The following CYFIP1 variants were observed in gnomAD, a reference collection of about 807,000 sequenced individuals.
The protein encoded by CYFIP1 is cytoplasmic FMR1-interacting protein 1.
In CYFIP1, 58 loss-of-function variants were observed where a neutral mutation model predicts 163.5. The observed-to-expected ratio is 0.35, with a 90% CI of 0.29 to 0.44. The LOEUF is 0.44. CYFIP1 is among the 20% of genes least tolerant of loss of function. CYFIP1 has a pLI of 1.00. For missense variants in CYFIP1, 1,338 were observed against 1,653.8 expected, an observed-to-expected ratio of 0.81 and a Z score of 3.31; for synonymous variants, 663 against 660.7, an observed-to-expected ratio of 1.00 and a Z score of -0.05.
intron 12 of CYFIP1, 63 bp from the exon 13 acceptor site, chr15:22,926,170 G>A: frequency 6.2e-7 from 1 of 1,603,300 alleles, no homozygotes; most frequent in Non-Finnish European, 8.5e-7. Flanking sequence ...CTTCTGGTCT[G>A]ACTCACACGA....
At chr15:22,890,669 C>A (rs1433635440) in intron 23 of CYFIP1, among the ~76,000 whole-genome samples, 1 of 151,446 alleles carries the variant, frequency 6.6e-6, no homozygotes, top group African/African-American at 2.4e-5. Flanking sequence ...GGAGGCCGCA[C>A]CTGCCAACAG....
chr15:22,902,189 C>T lies in CYFIP1; in HGVS notation c.2588+1517G>A, dbSNP rs908536257. Among the ~76,000 whole-genome samples the T allele has an allele frequency of 3.9e-5, 6 of 152,356 alleles. No homozygotes were observed. The East Asian group carries it at 1.2e-3, about 29-fold the overall frequency. On this transcript the variant is annotated intron_variant, in intron 22 of 30. Coordinates refer to ENST00000617928, the MANE Select transcript of CYFIP1 (RefSeq NM_014608.6). ...CCCCATGGGTCCAGGGGCCTCCTGCCGCCCACAGTGGGGACGAGTGCAGCT... is the reference window on the plus strand; with the variant it reads ...CCCCATGGGTCCAGGGGCCTCCTGCTGCCCACAGTGGGGACGAGTGCAGCT...
At chr15:22,909,371 A>ATGTC in intron 20 of CYFIP1, 58 bp from the exon 21 acceptor site, 1 of 1,600,042 alleles carries the variant, frequency 6.2e-7, no homozygotes, top group South Asian at 1.1e-5. Flanking sequence ...CTCGAAAACA[A>ATGTC]CAAACGCCTC....
At chr15:22,904,272 T>C in intron 21 of CYFIP1, 1 of 310,642 alleles carries the variant, frequency 3.2e-6, no homozygotes, top group Non-Finnish European at 6.2e-6. Context: ...TCCCTGGGCG[T>C]TGGAGCTGAG....
chr15:22,914,992 C>A, intron 16 of CYFIP1, 110 bp from the exon 17 acceptor site: 1 of 1,178,856 alleles, frequency 8.5e-7, no homozygotes, highest in Non-Finnish European at 1.2e-6. Flanking sequence ...CGCTCAGCCC[C>A]AAGCCATGCA....
rs186410991 is a variant in CYFIP1, at chr15:22,906,054, C to T, written c.2389-2149G>A. Among the ~76,000 whole-genome samples the T allele has an allele frequency of 1.2e-3, 179 of 152,148 alleles. 2 individuals are homozygous for T. The highest frequency in any genetic ancestry group is 3.9e-3 in the African/African-American group (164 of 41,520). On this transcript the variant is annotated intron_variant, in intron 21 of 30. Coordinates refer to ENST00000617928, the MANE Select transcript of CYFIP1 (RefSeq NM_014608.6). Reference sequence around the variant, plus strand: ...GATTACAGGCATGAGCCACTGTGCCCGGCCTTTTCTCTTTTCAAAACTTTC... The same window carrying T: ...GATTACAGGCATGAGCCACTGTGCCTGGCCTTTTCTCTTTTCAAAACTTTC...
chr15:22,973,386 G>A (rs551739018), intron 1 of CYFIP1, among the ~76,000 whole-genome samples: 3 of 149,402 alleles, frequency 2.0e-5, no homozygotes, highest in Non-Finnish European at 3.0e-5. Flanking sequence ...TTTTCTACCC[G>A]TTCTTCACTG....
Position 22,873,541 on chromosome 15 carries a change from G to A in CYFIP1, c.3399C>T (p.Ala1133=). Residue 1133 remains alanine (A), a synonymous_variant, in exon 29 of 31, where the codon GCC becomes GCT. Coordinates refer to ENST00000617928, the MANE Select transcript of CYFIP1 (RefSeq NM_014608.6). ...ECVEFHRLWS[A]MQFVYCIPVG... ...CGGGAATGCAGTAGACAAACTGCAT[G>A]GCACTCCACAGTCTGTGAAACTCCA... 1 of 1,614,184 alleles carries A rather than the reference G, an allele frequency of 6.2e-7. No individual in the cohort carries two copies. Among genetic ancestry groups the A allele is most frequent in the Non-Finnish European group, 8.5e-7 (1 of 1,180,028 alleles).
At chr15:22,928,256 ACCTGT>A (rs2061420784) in intron 11 of CYFIP1, among the ~76,000 whole-genome samples, 1 of 152,072 alleles carries the variant, frequency 6.6e-6, no homozygotes, top group Non-Finnish European at 1.5e-5. Context: ...GGTGGCGGGC[ACCTGT>A]AGTCCCAGCT....
intron 3 of CYFIP1, among the ~76,000 whole-genome samples, chr15:22,946,100 C>G (rs1008322688): frequency 2.0e-5 from 3 of 151,568 alleles, no homozygotes; most frequent in Non-Finnish European, 4.4e-5. Context: ...TCCAGGAATT[C>G]AAGACCAACC....
chr15:22,955,413 C>T (rs1049828087), intron 1 of CYFIP1, among the ~76,000 whole-genome samples: 2 of 152,362 alleles, frequency 1.3e-5, no homozygotes, highest in Admixed American at 6.5e-5. Context: ...GGCCACTTTC[C>T]AAGTGCGAGT....
At chr15:22,960,768 G>A (rs969178637) in intron 1 of CYFIP1, among the ~76,000 whole-genome samples, 2 of 152,156 alleles carry the variant, frequency 1.3e-5, no homozygotes, top group African/African-American at 4.8e-5. Context: ...TACCACATCT[G>A]GGCGGAAAAG....
At position 22,912,331 on chromosome 15, in the gene CYFIP1, G is replaced by A. The variant is rs558636616; in HGVS notation, c.1986-56C>T. On this transcript the variant is annotated intron_variant, in intron 17 of 30. Coordinates refer to ENST00000617928, the MANE Select transcript of CYFIP1 (RefSeq NM_014608.6). The stretch of plus-strand genomic sequence containing the variant: ...GCCTCTGCCACTCACTCGCAGCTCC[G>A]ACAGCCTCGCCCCACCTCAGAAACT... 1.1e-4 allele frequency: 150 copies of A among 1,362,784 alleles called. 1 individual carries two copies. The East Asian group carries it at 2.2e-3, about 20-fold the overall frequency. The allele number at this position is 1,362,784 out of a possible 1,614,324, so 84.4% of individuals were successfully genotyped here. A position where few individuals can be genotyped will look rare whatever the true frequency, so the allele number is the denominator to read the frequency against.
Position 22,914,719 on chromosome 15 carries a change from C to T in CYFIP1, c.1985+7G>A, listed in dbSNP as rs1486442262. On this transcript the variant is annotated splice_region_variant and intron_variant, in intron 17 of 30. Coordinates refer to ENST00000617928, the MANE Select transcript of CYFIP1 (RefSeq NM_014608.6). The stretch of plus-strand genomic sequence containing the variant: ...AAAGGCTGGAGACAGGCCCGCAGGA[C>T]ACGCACTCCATCATCGATGCCTCCT... The T allele has an allele frequency of 6.2e-7, 1 of 1,607,938 alleles. No individual in the cohort carries two copies. The highest frequency in any genetic ancestry group is 1.7e-5 in the Admixed American group (1 of 59,444).
intron 30 of CYFIP1, among the ~76,000 whole-genome samples, chr15:22,871,769 A>G (rs36067349): frequency 0.24 from 36,311 of 152,028 alleles, 4,611 homozygotes; most frequent in Admixed American, 0.32. Context: ...AAAGCATGAG[A>G]AGGAAGGGGG....
intron 23 of CYFIP1, among the ~76,000 whole-genome samples, chr15:22,889,479 A>C (rs2060011266): frequency 6.6e-6 from 1 of 152,220 alleles, no homozygotes; most frequent in Non-Finnish European, 1.5e-5. Context: ...AGAGCCTTTA[A>C]CACCACAAAG....
chr15:22,949,336 C>G (rs898448092), intron 1 of CYFIP1, among the ~76,000 whole-genome samples: 1 of 151,496 alleles, frequency 6.6e-6, no homozygotes, highest in Non-Finnish European at 1.5e-5. Context: ...CGGGGAGGTG[C>G]CAACTTGGGA....
chr15:22,910,560 G>C lies in CYFIP1; in HGVS notation c.2228C>G (p.Ser743Cys). The change falls in exon 20 of 31, where the codon TCT (serine) becomes TGT (cysteine). Residue 743 changes from serine (S) to cysteine (C), a missense_variant. Transcript: ENST00000617928. ...NQGATIHLPP[S>C]NRYETLLKQR... ...CTTCAGCAGCGTCTCGTAGCGGTTA[G>C]ACGGCGGGAGGTGGATCGTGGCTCC... 6.2e-7 allele frequency: 1 copy of C among 1,614,208 alleles called. No homozygotes were observed. Among genetic ancestry groups the C allele is most frequent in the Non-Finnish European group, 8.5e-7 (1 of 1,180,012 alleles).
Position 22,933,782 on chromosome 15 carries a change from C to T in CYFIP1, c.992+20G>A. On this transcript the variant is annotated intron_variant, in intron 10 of 30. Coordinates refer to ENST00000617928, the MANE Select transcript of CYFIP1 (RefSeq NM_014608.6). Reference sequence around the variant, plus strand: ...GACACTGCCGAAAGCTCAAACCAGGCAGCTTTCCTCTCCTCCTACCGAGAT... The same window carrying T: ...GACACTGCCGAAAGCTCAAACCAGGTAGCTTTCCTCTCCTCCTACCGAGAT... 4 of 1,585,352 alleles carry T rather than the reference C, an allele frequency of 2.5e-6. No homozygotes were observed. Among genetic ancestry groups the T allele is most frequent in the Non-Finnish European group, 3.5e-6 (4 of 1,157,038 alleles).
Sources: allele counts gnomAD v4.1 joint callset (sites outside exome capture counted in the v4.1 genomes callset), GRCh38; gene constraint gnomAD v4.1.1; transcripts MANE v1.5; gene names NCBI Gene and HGNC (gene_info 2026-07-23, HGNC 2026-07-21).